Variants in NEK1 observed in about 807,000 individuals in gnomAD.
NEK1 encodes the protein NIMA related kinase 1.
A neutral mutation model predicts 182.1 loss-of-function variants in NEK1; 137 were observed. The observed-to-expected ratio is 0.75, with a 90% CI of 0.65 to 0.87. The LOEUF is 0.87. Among genes scored for constraint, NEK1 ranks in the 40% least tolerant of loss-of-function variants. The pLI is 0.00. For synonymous variants in NEK1, 513 were observed against 492.2 expected (o/e 1.04, Z -0.56); for missense variants, 1,391 against 1,494.4 (o/e 0.93, Z 1.14).
intron 27 of NEK1, among the ~76,000 whole-genome samples, chr4:169,455,469 C>T (rs538120037): frequency 3.9e-5 from 6 of 152,046 alleles, no homozygotes; most frequent in Non-Finnish European, 5.9e-5. Flanking sequence ...AGTAACTATA[C>T]TTACATGAGA....
At chr4:169,595,859 C>T (rs945375489) in intron 5 of NEK1, among the ~76,000 whole-genome samples, 1 of 136,680 alleles carries the variant, frequency 7.3e-6, no homozygotes, top group African/African-American at 2.7e-5. Flanking sequence ...GGAGGCAGAG[C>T]TTGCAGTGAG....
intron 28 of NEK1, among the ~76,000 whole-genome samples, chr4:169,435,165 G>A (rs1197788473): frequency 6.6e-6 from 1 of 152,202 alleles, no homozygotes; most frequent in Non-Finnish European, 1.5e-5. Context: ...ATGTCAGGGT[G>A]CCAGCACGGT....
intron 26 of NEK1, among the ~76,000 whole-genome samples, chr4:169,469,011 C>T (rs1745443200): frequency 6.6e-6 from 1 of 151,880 alleles, no homozygotes; most frequent in South Asian, 2.1e-4. Flanking sequence ...TTCTTTTCTT[C>T]TTTATTAGTC....
chr4:169,497,991 C>T (rs576536830), intron 23 of NEK1, among the ~76,000 whole-genome samples: 28 of 152,236 alleles, frequency 1.8e-4, no homozygotes, highest in African/African-American at 6.3e-4. Flanking sequence ...ATCTGTCTAA[C>T]GTTGACAATG....
At chr4:169,461,316 C>T (rs796778855) in intron 27 of NEK1, among the ~76,000 whole-genome samples, 5 of 152,082 alleles carry the variant, frequency 3.3e-5, no homozygotes, top group African/African-American at 1.2e-4. Flanking sequence ...TTTGATACAC[C>T]CAAAAATTGC....
At chr4:169,590,945 A>G in intron 5 of NEK1, 136 bp from the exon 6 acceptor site, 1 of 615,886 alleles carries the variant, frequency 1.6e-6, no homozygotes, top group Non-Finnish European at 2.8e-6. Context: ...AGGCACTGAC[A>G]TTAAATAGAT....
intron 11 of NEK1, among the ~76,000 whole-genome samples, chr4:169,580,260 G>A (rs1766395071): frequency 6.6e-6 from 1 of 152,034 alleles, no homozygotes; most frequent in African/African-American, 2.4e-5. Context: ...TCTTTGGGAG[G>A]CCGAGGCGGG....
chr4:169,550,846 T>C (rs945974104), intron 18 of NEK1, among the ~76,000 whole-genome samples: 9 of 152,228 alleles, frequency 5.9e-5, no homozygotes, highest in Non-Finnish European at 1.2e-4. Context: ...TGGGCCACTT[T>C]TGCTATTCTG....
chr4:169,549,164 G>T (rs750073085), intron 18 of NEK1, among the ~76,000 whole-genome samples: 51 of 152,324 alleles, frequency 3.3e-4, no homozygotes, highest in Middle Eastern at 3.4e-3. Flanking sequence ...CAGTATCTGG[G>T]CCAGAGTGCA....
At chr4:169,432,523 C>A (rs1401383304) in intron 29 of NEK1, among the ~76,000 whole-genome samples, 1 of 151,736 alleles carries the variant, frequency 6.6e-6, no homozygotes, top group East Asian at 1.9e-4. Context: ...TACTAACTAG[C>A]TATAAAATAA....
rs1454083401 is a variant in NEK1, at chr4:169,494,620, G to A, written c.2007+12417C>T. On this transcript the variant is annotated intron_variant, in intron 23 of 35. Coordinates refer to ENST00000507142, the MANE Select transcript of NEK1 (RefSeq NM_001199397.3). ...TCCTCTGGGTACATACCCAGTAATGGGATGGCTGGGTCAAATGGTATTTCT... is the reference window on the plus strand; with the variant it reads ...TCCTCTGGGTACATACCCAGTAATGAGATGGCTGGGTCAAATGGTATTTCT... 4.6e-5 allele frequency among the ~76,000 whole-genome samples: 7 copies of A among 152,120 alleles called. 2 individuals are homozygous for A. The highest frequency in any genetic ancestry group is 4.6e-4 in the Admixed American group (7 of 15,268).
chr4:169,396,880 C>T lies in NEK1; in HGVS notation c.3848-2357G>A, dbSNP rs1199389899. Among the ~76,000 whole-genome samples the T allele has an allele frequency of 2.0e-5, 3 of 152,142 alleles. No homozygotes were observed. In the East Asian group the frequency reaches 5.8e-4, roughly 29 times the overall value. On this transcript the variant is annotated intron_variant, in intron 35 of 35. Coordinates refer to ENST00000507142, the MANE Select transcript of NEK1 (RefSeq NM_001199397.3). ...GTGTGTAAGTACCATATGTAGATGA[C>T]ATGGCTTTACCATCTCCTAGATGTG...
chr4:169,481,252 C>A (rs749894699), intron 23 of NEK1, among the ~76,000 whole-genome samples: 2 of 152,170 alleles, frequency 1.3e-5, no homozygotes, highest in Non-Finnish European at 2.9e-5. Flanking sequence ...CTTCCAAACT[C>A]CTGTTAATGT....
intron 23 of NEK1, among the ~76,000 whole-genome samples, chr4:169,489,163 A>G (rs1749596284): frequency 6.6e-6 from 1 of 152,190 alleles, no homozygotes; most frequent in African/African-American, 2.4e-5. Context: ...AGAATTCCCA[A>G]TGAATTTATT....
intron 18 of NEK1, among the ~76,000 whole-genome samples, chr4:169,545,105 A>T (rs1760177334): frequency 6.8e-6 from 1 of 146,362 alleles, no homozygotes; most frequent in Non-Finnish European, 1.5e-5. Flanking sequence ...CACATTGTGC[A>T]GGTTAGTTAC....
intron 19 of NEK1, among the ~76,000 whole-genome samples, chr4:169,531,851 A>G (rs1375510426): frequency 6.6e-6 from 1 of 152,226 alleles, no homozygotes; most frequent in Non-Finnish European, 1.5e-5. Flanking sequence ...CATAAATCCG[A>G]TGAGCTTTAA....
intron 12 of NEK1, among the ~76,000 whole-genome samples, chr4:169,563,865 T>G (rs747998196): frequency 2.0e-5 from 3 of 152,244 alleles, no homozygotes; most frequent in Non-Finnish European, 4.4e-5. Flanking sequence ...TCTAATCTGC[T>G]AATGCAGTAA....
At chr4:169,459,305 A>G (rs1468504871) in intron 27 of NEK1, among the ~76,000 whole-genome samples, 1 of 152,190 alleles carries the variant, frequency 6.6e-6, no homozygotes, top group Non-Finnish European at 1.5e-5. Flanking sequence ...ATCATATGTT[A>G]TTAGGAGATT....
chr4:169,499,849 G>T (rs1378251527), intron 23 of NEK1, among the ~76,000 whole-genome samples: 1 of 152,196 alleles, frequency 6.6e-6, no homozygotes, highest in Non-Finnish European at 1.5e-5. Context: ...CGGGGGTCAG[G>T]GACCCACTTG....
Sources: allele counts gnomAD v4.1 joint callset (sites outside exome capture counted in the v4.1 genomes callset), GRCh38; gene constraint gnomAD v4.1.1; transcripts MANE v1.5; gene names NCBI Gene and HGNC (gene_info 2026-07-23, HGNC 2026-07-21).